The following PPM1A variants were observed in gnomAD, a reference collection of about 807,000 sequenced individuals.
PPM1A encodes protein phosphatase 1A.
Under a neutral mutation model 35.0 loss-of-function variants are expected in PPM1A, and 7 were observed. The observed-to-expected ratio is 0.20, with a 90% CI of 0.11 to 0.38. The LOEUF (loss-of-function observed/expected upper bound fraction) is 0.38, where lower values mean the gene tolerates loss of function less well. Among genes scored for constraint, PPM1A ranks in the 10% least tolerant of loss-of-function variants. PPM1A has a pLI of 1.00. For synonymous variants in PPM1A, 153 were observed against 167.3 expected, an observed-to-expected ratio of 0.91 and a Z score of 0.66; for missense variants, 239 against 467.8, an observed-to-expected ratio of 0.51 and a Z score of 4.51.
chr14:60,263,497 T>C (rs557763601), intron 1 of PPM1A, among the ~76,000 whole-genome samples: 1 of 152,292 alleles, frequency 6.6e-6, no homozygotes, highest in South Asian at 2.1e-4. Flanking sequence ...ACTCATCCTT[T>C]GAGTTTTTAA....
rs772384478 is a variant in PPM1A, at chr14:60,299,059, T to C, written c.*6577T>C. ...AATAATTTCTAGTTTGGAAAACTGG[T>C]GCCACTAAATAAACAGGCAATTACA... On this transcript the variant is annotated 3_prime_UTR_variant, in exon 6 of 6. Transcript: ENST00000395076. This position sits in a 1 kb window ranked among gnomAD's most constrained non-coding sequence, Gnocchi z 4.2. 1 of 151,894 alleles carries C rather than the reference T, an allele frequency of 6.6e-6. No individual in the cohort carries two copies. Among genetic ancestry groups the C allele is most frequent in the Non-Finnish European group, 1.5e-5 (1 of 67,792 alleles). 9.4% of individuals were successfully genotyped at this position (151,894 alleles called of 1,614,324 possible).
At chr14:60,291,864 A>T (rs1887672620) in intron 5 of PPM1A, among the ~76,000 whole-genome samples, 2 of 151,056 alleles carry the variant, frequency 1.3e-5, no homozygotes, top group South Asian at 4.2e-4. Flanking sequence ...TCAACTAAAT[A>T]GTTCTTATGG....
intron 1 of PPM1A, among the ~76,000 whole-genome samples, chr14:60,262,974 C>G (rs1282589895): frequency 6.6e-6 from 1 of 152,136 alleles, no homozygotes; most frequent in Non-Finnish European, 1.5e-5. Context: ...CGCCTGTAAT[C>G]CTAGCACTTT....
Position 60,287,342 on chromosome 14 carries a change from A to G in PPM1A, c.952+1601A>G, listed in dbSNP as rs1595368272. On this transcript the variant is annotated intron_variant, in intron 3 of 5. Transcript: ENST00000395076. ...AATATTTTTGATATGTTAAAGTGTT[A>G]TTATACTTGTACCATTCAATTGGAG... 12 of 984,202 alleles carry G rather than the reference A, an allele frequency of 1.2e-5. No homozygotes were observed. The East Asian group carries it at 5.7e-4, about 47-fold the overall frequency. 61.0% of individuals were successfully genotyped at this position (984,202 alleles called of 1,614,324 possible).
intron 1 of PPM1A, among the ~76,000 whole-genome samples, chr14:60,254,276 T>TAAGACATA (rs11281135): frequency 4.0e-5 from 6 of 151,676 alleles, no homozygotes; most frequent in Non-Finnish European, 7.4e-5. Context: ...GACTAAAAGT[T>TAAGACATA]ATAGAAGAAA....
intron 1 of PPM1A, among the ~76,000 whole-genome samples, chr14:60,269,524 T>C (rs1181577186): frequency 6.6e-6 from 1 of 152,060 alleles, no homozygotes; most frequent in Non-Finnish European, 1.5e-5. Context: ...CCTGATTTCT[T>C]TTTTCTTTTT....
At chr14:60,266,085 A>G (rs534977711) in intron 1 of PPM1A, among the ~76,000 whole-genome samples, 1 of 152,222 alleles carries the variant, frequency 6.6e-6, no homozygotes, top group African/African-American at 2.4e-5. Flanking sequence ...TAATTTTTTA[A>G]TCTTTGAGAA....
At chr14:60,250,900 T>C (rs886850856) in intron 1 of PPM1A, among the ~76,000 whole-genome samples, 4 of 152,236 alleles carry the variant, frequency 2.6e-5, no homozygotes, top group Non-Finnish European at 1.5e-5. Flanking sequence ...ACTTTACTTT[T>C]ATACTTTTAT....
At chr14:60,278,444 T>A (rs1193194759) in intron 1 of PPM1A, among the ~76,000 whole-genome samples, 1 of 150,914 alleles carries the variant, frequency 6.6e-6, no homozygotes, top group Non-Finnish European at 1.5e-5. Flanking sequence ...TTAGAAAAAC[T>A]AAAGCAGAGA....
At chr14:60,258,895 A>G (rs953239976) in intron 1 of PPM1A, among the ~76,000 whole-genome samples, 2 of 152,096 alleles carry the variant, frequency 1.3e-5, no homozygotes, top group Non-Finnish European at 2.9e-5. Context: ...AATTCACCAG[A>G]TAAATGCTGC....
rs1180131508 is a variant in PPM1A at position 60,287,306 on chromosome 14, C to T, written c.952+1565C>T. On this transcript the variant is annotated intron_variant, in intron 3 of 5. Transcript: ENST00000395076. ...AGAGTTGCCACCTGGACAGAGTTTACATTGATACTCAATATTTTTGATATG... is the reference window on the plus strand; with the variant it reads ...AGAGTTGCCACCTGGACAGAGTTTATATTGATACTCAATATTTTTGATATG... 3 of 983,418 alleles carry T rather than the reference C, an allele frequency of 3.1e-6. No homozygotes were observed. The East Asian group carries it at 3.4e-4, about 111-fold the overall frequency. 60.9% of individuals were successfully genotyped at this position (983,418 alleles called of 1,614,324 possible).
In PPM1A at chr14:60,298,150, C is replaced by G. The variant is rs1888204121; in HGVS notation, c.*5668C>G. The G allele has an allele frequency of 6.6e-6, 1 of 151,520 alleles. No individual in the cohort carries two copies. The highest frequency in any genetic ancestry group is 6.6e-5 in the Admixed American group (1 of 15,188). 9.4% of individuals were successfully genotyped at this position (151,520 alleles called of 1,614,324 possible). ...AGAAGTTTTGGAGGTTAATGTCTTT[C>G]TCTAAGATTTGCCACTTTAGAAATT... On this transcript the variant is annotated 3_prime_UTR_variant, in exon 6 of 6. Coordinates refer to ENST00000395076, the MANE Select transcript of PPM1A (RefSeq NM_021003.5).
chr14:60,291,661 T>A (rs910508050), intron 5 of PPM1A, among the ~76,000 whole-genome samples: 2 of 151,384 alleles, frequency 1.3e-5, no homozygotes, highest in Admixed American at 1.3e-4. Context: ...GCCACCTCTC[T>A]CAAAAAAGAA....
intron 1 of PPM1A, chr14:60,256,792 A>G (rs1345917549): frequency 6.6e-6 from 1 of 152,254 alleles, no homozygotes; most frequent in Non-Finnish European, 1.5e-5. Context: ...AGCTATTAAC[A>G]GAAGCCTAAT....
chr14:60,288,549 A>G (rs1298549723), intron 3 of PPM1A: 1 of 983,456 alleles, frequency 1.0e-6, no homozygotes, highest in East Asian at 1.1e-4. Context: ...GAACTTGGCA[A>G]ACCAAATCTG....
chr14:60,256,216 G>A (rs974694981), intron 1 of PPM1A, among the ~76,000 whole-genome samples: 2 of 152,120 alleles, frequency 1.3e-5, no homozygotes, highest in African/African-American at 2.4e-5. Flanking sequence ...GTCAGGAGAT[G>A]GAGACCATCC....
Position 60,292,358 on chromosome 14 carries a change from C to T in PPM1A, c.1120-95C>T, listed in dbSNP as rs1361118825. On this transcript the variant is annotated intron_variant, in intron 5 of 5. Coordinates refer to ENST00000395076, the MANE Select transcript of PPM1A (RefSeq NM_021003.5). This position sits in a 1 kb window ranked among gnomAD's most constrained non-coding sequence, Gnocchi z 4.2. ...ATTTATATTCTAAAAGTCATCTTTA[C>T]AGAACATTATCTTTCTCCATTATCC... is the stretch of plus-strand genomic sequence containing the variant. 3.3e-6 allele frequency: 3 copies of T among 905,108 alleles called. No individual in the cohort carries two copies. Among genetic ancestry groups the T allele is most frequent in the South Asian group, 1.5e-5 (1 of 67,150 alleles). The allele number at this position is 905,108 out of a possible 1,614,324, so 56.1% of individuals were successfully genotyped here. A position where few individuals can be genotyped will look rare whatever the true frequency, so the allele number is the denominator to read the frequency against.
At chr14:60,257,246 A>G (rs1273818345) in intron 1 of PPM1A, among the ~76,000 whole-genome samples, 1 of 152,200 alleles carries the variant, frequency 6.6e-6, no homozygotes, top group Admixed American at 6.5e-5. Context: ...TCTTAAACAC[A>G]AGCTAGCTGA....
At chr14:60,269,386 T>A (rs772781973) in intron 1 of PPM1A, among the ~76,000 whole-genome samples, 1 of 152,220 alleles carries the variant, frequency 6.6e-6, no homozygotes, top group African/African-American at 2.4e-5. Flanking sequence ...TGTCTTCTTA[T>A]TGCGTTTACA....
Sources: allele counts gnomAD v4.1 joint callset (sites outside exome capture counted in the v4.1 genomes callset), GRCh38; gene constraint gnomAD v4.1.1; non-coding constraint Gnocchi (gnomAD v3.1); transcripts MANE v1.5; gene names NCBI Gene and HGNC (gene_info 2026-07-23, HGNC 2026-07-21).